Variants in ADGRL3 observed in about 807,000 individuals in gnomAD.
The protein encoded by ADGRL3 is adhesion G protein-coupled receptor L3, also known as calcium-independent alpha-latrotoxin receptor 3.
ADGRL3 carries 62 observed loss-of-function variants against 153.5 expected under a neutral mutation model. That is an observed-to-expected ratio of 0.40 (90% CI 0.33 to 0.50). ADGRL3 has a LOEUF of 0.50. Among genes scored for constraint, ADGRL3 ranks in the 20% least tolerant of loss-of-function variants. The probability of loss-of-function intolerance (pLI) is 0.47; values close to 1 mark genes in which losing one functional copy is unlikely to be tolerated. For synonymous variants in ADGRL3, 710 were observed against 672.5 expected, an observed-to-expected ratio of 1.06 and a Z score of -0.86; for missense variants, 1,641 against 1,859.4, an observed-to-expected ratio of 0.88 and a Z score of 2.16.
chr4:61,330,128 T>A (rs1398470200), intron 1 of ADGRL3, among the ~76,000 whole-genome samples: 1 of 152,216 alleles, frequency 6.6e-6, no homozygotes, highest in Non-Finnish European at 1.5e-5. Flanking sequence ...TTTTCTTTTT[T>A]ATTTCCCAAT....
chr4:61,264,047 T>G (rs567092870), intron 1 of ADGRL3, among the ~76,000 whole-genome samples: 1 of 152,130 alleles, frequency 6.6e-6, no homozygotes, highest in Non-Finnish European at 1.5e-5. Context: ...GTTTTCTTAA[T>G]AGTTCAATGC....
chr4:61,661,046 C>A (rs940909673), intron 5 of ADGRL3, among the ~76,000 whole-genome samples: 1 of 151,908 alleles, frequency 6.6e-6, no homozygotes, highest in Middle Eastern at 3.2e-3. Context: ...TTGCCCTATA[C>A]GTTATTACCT....
At chr4:61,520,978 A>G (rs886628719) in intron 4 of ADGRL3, among the ~76,000 whole-genome samples, 1 of 152,128 alleles carries the variant, frequency 6.6e-6, no homozygotes, top group Non-Finnish European at 1.5e-5. Flanking sequence ...CTCTTAGTTC[A>G]GATTTCTAAG....
intron 9 of ADGRL3, among the ~76,000 whole-genome samples, chr4:61,879,337 A>C (rs1056895389): frequency 1.3e-5 from 2 of 152,174 alleles, no homozygotes; most frequent in Non-Finnish European, 2.9e-5. Flanking sequence ...TTGGGACCAG[A>C]AATGCTTCAG....
intron 1 of ADGRL3, among the ~76,000 whole-genome samples, chr4:61,315,691 G>A (rs1050000893): frequency 1.3e-5 from 2 of 152,228 alleles, no homozygotes; most frequent in South Asian, 2.1e-4. Context: ...AGACATAAAA[G>A]TAGCCATACT....
chr4:61,841,221 A>G (rs1581092885), intron 9 of ADGRL3, among the ~76,000 whole-genome samples: 1 of 152,322 alleles, frequency 6.6e-6, no homozygotes, highest in Non-Finnish European at 1.5e-5. Flanking sequence ...CAAACCTTAA[A>G]CATTTGAAAA....
Position 62,075,411 on chromosome 4 carries a change from G to A in ADGRL3, c.*4503G>A, listed in dbSNP as rs891062474. 2 of 152,074 alleles carry A rather than the reference G, an allele frequency of 1.3e-5. No homozygotes were observed. Among genetic ancestry groups the A allele is most frequent in the South Asian group, 4.1e-4 (2 of 4,832 alleles). The allele number at this position is 152,074 out of a possible 1,614,324, so 9.4% of individuals were successfully genotyped here. On this transcript the variant is annotated 3_prime_UTR_variant, in exon 27 of 27. Coordinates refer to ENST00000683033, the MANE Select transcript of ADGRL3 (RefSeq NM_001387552.1). ...CAGAAGTATAATGCATGTCAATTCA[G>A]ATTTAGAGAGTGTAAAAAACAAAAA...
At chr4:61,732,264 C>G (rs1472048921) in intron 7 of ADGRL3, among the ~76,000 whole-genome samples, 5 of 151,942 alleles carry the variant, frequency 3.3e-5, no homozygotes, top group Admixed American at 6.6e-5. Context: ...TATTACAGGG[C>G]TTTTCTTTTT....
chr4:62,001,793 G>A (rs1229014304), intron 21 of ADGRL3, among the ~76,000 whole-genome samples: 3 of 152,038 alleles, frequency 2.0e-5, no homozygotes, highest in East Asian at 3.9e-4. Flanking sequence ...ATTGGGGAAA[G>A]CATTAAAGTT....
At chr4:61,635,605 A>AT (rs1457027916) in intron 5 of ADGRL3, among the ~76,000 whole-genome samples, 1 of 125,148 alleles carries the variant, frequency 8.0e-6, no homozygotes. Flanking sequence ...TTGACCTCAA[A>AT]ATTTAAGCCC....
chr4:61,723,711 G>C (rs2096279032), intron 6 of ADGRL3, among the ~76,000 whole-genome samples: 1 of 152,114 alleles, frequency 6.6e-6, no homozygotes, highest in South Asian at 2.1e-4. Context: ...AAGAGGGAGG[G>C]AACCGCCATG....
chr4:61,715,985 A>G (rs924329535), intron 6 of ADGRL3, among the ~76,000 whole-genome samples: 3 of 151,544 alleles, frequency 2.0e-5, no homozygotes, highest in Admixed American at 6.6e-5. Flanking sequence ...TTCCTCGACA[A>G]TACTGTCAGG....
chr4:61,786,777 T>A (rs957659436), intron 8 of ADGRL3, among the ~76,000 whole-genome samples: 1 of 152,210 alleles, frequency 6.6e-6, no homozygotes, highest in African/African-American at 2.4e-5. Context: ...CATTTGCCCA[T>A]TATGCTTTCA....
chr4:61,450,470 A>G (rs2097660284), intron 2 of ADGRL3, among the ~76,000 whole-genome samples: 1 of 152,026 alleles, frequency 6.6e-6, no homozygotes, highest in African/African-American at 2.4e-5. Context: ...TTAGTCTTAC[A>G]TTTTTTCCAG....
Position 61,993,687 on chromosome 4 carries a change from G to GTC in ADGRL3, c.3237-2587_3237-2586dup, listed in dbSNP as rs140232617. Among the ~76,000 whole-genome samples, 65 of 148,792 alleles carry GTC rather than the reference G, an allele frequency of 4.4e-4. No individual in the cohort carries two copies. The East Asian group carries it at 7.9e-3, about 18-fold the overall frequency. On this transcript the variant is annotated intron_variant, in intron 19 of 26. Coordinates refer to ENST00000683033, the MANE Select transcript of ADGRL3 (RefSeq NM_001387552.1). Reference sequence around the variant, plus strand: ...TTCCTTCCCCAAGAGTTTCTTTTCTGTCTCTCTCTCTCTCTCTCCCTCTCT... The same window carrying GTC: ...TTCCTTCCCCAAGAGTTTCTTTTCTGTCTCTCTCTCTCTCTCTCTCCCTCTCT...
At chr4:61,626,790 A>G (rs569980854) in intron 5 of ADGRL3, among the ~76,000 whole-genome samples, 3 of 152,112 alleles carry the variant, frequency 2.0e-5, no homozygotes, top group Non-Finnish European at 2.9e-5. Context: ...CTAAAAGGAA[A>G]TAATATTATC....
intron 4 of ADGRL3, among the ~76,000 whole-genome samples, chr4:61,586,013 A>G (rs2098945137): frequency 6.6e-6 from 1 of 152,068 alleles, no homozygotes; most frequent in African/African-American, 2.4e-5. Flanking sequence ...TAAACATATG[A>G]AAATATATTC....
intron 8 of ADGRL3, among the ~76,000 whole-genome samples, chr4:61,777,298 A>C (rs898732738): frequency 7.3e-5 from 11 of 151,688 alleles, no homozygotes; most frequent in Non-Finnish European, 1.2e-4. Flanking sequence ...GCGCCACTGC[A>C]CTCCAGCCTG....
At chr4:61,867,740 G>A (rs763816335) in intron 9 of ADGRL3, among the ~76,000 whole-genome samples, 19 of 151,708 alleles carry the variant, frequency 1.3e-4, no homozygotes, top group South Asian at 6.3e-4. Context: ...CTGTGTTGTG[G>A]AGAAACATAA....
Sources: gnomAD v4.1 joint callset for allele counts (sites outside exome capture counted in the v4.1 genomes callset) on GRCh38, gnomAD v4.1.1 for gene constraint, MANE v1.5 for transcripts, NCBI Gene and HGNC (gene_info 2026-07-23, HGNC 2026-07-21) for gene names.